NPAS3: variants seen among roughly 807,000 people sequenced by gnomAD.
NPAS3 encodes neuronal PAS domain protein 3.
NPAS3 carries 14 observed loss-of-function variants against 73.1 expected under a neutral mutation model. That is an observed-to-expected ratio of 0.19 (90% CI 0.13 to 0.30). The LOEUF (loss-of-function observed/expected upper bound fraction) is 0.30, where lower values mean the gene tolerates loss of function less well. NPAS3 is among the 10% of genes least tolerant of loss of function. NPAS3 has a pLI of 1.00. For synonymous variants in NPAS3, 620 were observed against 541.5 expected, an observed-to-expected ratio of 1.14 and a Z score of -2.01; for missense variants, 1,096 against 1,250.0, an observed-to-expected ratio of 0.88 and a Z score of 1.86.
intron 4 of NPAS3, among the ~76,000 whole-genome samples, chr14:33,458,362 T>A (rs1462823483): frequency 2.6e-5 from 4 of 152,214 alleles, no homozygotes; most frequent in South Asian, 2.1e-4. Context: ...TCACTTTAAA[T>A]TTTCTCTGTT....
chr14:33,373,002 G>A (rs1381048821), intron 4 of NPAS3, among the ~76,000 whole-genome samples: 1 of 152,100 alleles, frequency 6.6e-6, no homozygotes, highest in Non-Finnish European at 1.5e-5. Flanking sequence ...GTTATTTATT[G>A]TTACTTTTCC....
chr14:33,270,667 C>A (rs1015613736), intron 3 of NPAS3, among the ~76,000 whole-genome samples: 6 of 152,266 alleles, frequency 3.9e-5, no homozygotes, highest in African/African-American at 1.2e-4. Context: ...ACATGTTTTC[C>A]CTCTGGAAGA....
intron 7 of NPAS3, among the ~76,000 whole-genome samples, chr14:33,742,657 A>G (rs2061684615): frequency 6.6e-6 from 1 of 152,222 alleles, no homozygotes; most frequent in Non-Finnish European, 1.5e-5. Flanking sequence ...TTTTATAAAT[A>G]AGACAACAAT....
intron 10 of NPAS3, among the ~76,000 whole-genome samples, chr14:33,795,688 A>G (rs72664587): frequency 0.17 from 25,582 of 152,118 alleles, 2,475 homozygotes; most frequent in East Asian, 0.38. Context: ...TCCTATCTGG[A>G]TCTTTCTTAC....
chr14:33,019,141 A>G (rs780259985), intron 1 of NPAS3, among the ~76,000 whole-genome samples: 1 of 152,166 alleles, frequency 6.6e-6, no homozygotes, highest in African/African-American at 2.4e-5. Flanking sequence ...TTTAGTAAGG[A>G]AGTGTGTTTG....
chr14:33,131,374 C>T (rs2043627897), intron 2 of NPAS3, among the ~76,000 whole-genome samples: 1 of 151,956 alleles, frequency 6.6e-6, no homozygotes, highest in African/African-American at 2.4e-5. Context: ...AGTTCTCCAG[C>T]TCTCTCTCAA....
chr14:33,597,771 G>A (rs2057288441), intron 5 of NPAS3, among the ~76,000 whole-genome samples: 1 of 152,210 alleles, frequency 6.6e-6, no homozygotes, highest in African/African-American at 2.4e-5. Flanking sequence ...CAGCTGAGAA[G>A]ACTCAAAAGT....
intron 2 of NPAS3, among the ~76,000 whole-genome samples, chr14:33,165,398 T>C (rs1005593096): frequency 2.0e-5 from 3 of 151,900 alleles, no homozygotes; most frequent in African/African-American, 7.3e-5. Context: ...CTGCATTCCA[T>C]GGGATTTCTA....
chr14:33,437,703 T>C (rs1356491679), intron 4 of NPAS3, among the ~76,000 whole-genome samples: 1 of 152,214 alleles, frequency 6.6e-6, no homozygotes, highest in Non-Finnish European at 1.5e-5. Context: ...GATGGAAATA[T>C]TTTAAATACT....
At chr14:33,226,058 A>G (rs1037672982) in intron 3 of NPAS3, among the ~76,000 whole-genome samples, 1 of 152,242 alleles carries the variant, frequency 6.6e-6, no homozygotes, top group East Asian at 1.9e-4. Flanking sequence ...ATAGCTATCC[A>G]TAGATGTATA....
chr14:33,581,732 T>C (rs1351530415), intron 5 of NPAS3, among the ~76,000 whole-genome samples: 1 of 152,066 alleles, frequency 6.6e-6, no homozygotes, highest in African/African-American at 2.4e-5. Context: ...CCACCCTACC[T>C]GGATAATTTT....
At chr14:33,148,747 C>T (rs1417589261) in intron 2 of NPAS3, among the ~76,000 whole-genome samples, 2 of 152,046 alleles carry the variant, frequency 1.3e-5, no homozygotes, top group Non-Finnish European at 2.9e-5. Flanking sequence ...GTTATAGTGG[C>T]GTGATCAAAG....
chr14:33,309,924 C>T (rs1319553683), intron 3 of NPAS3, among the ~76,000 whole-genome samples: 1 of 152,092 alleles, frequency 6.6e-6, no homozygotes, highest in Admixed American at 6.6e-5. Context: ...AGGAGGGTCC[C>T]TCTAGCACCC....
At chr14:33,167,407 A>G (rs1161655229) in intron 2 of NPAS3, among the ~76,000 whole-genome samples, 1 of 152,182 alleles carries the variant, frequency 6.6e-6, no homozygotes, top group East Asian at 1.9e-4. Flanking sequence ...GAATACACAC[A>G]CGCACAAACA....
chr14:33,185,184 A>G (rs78275258), intron 2 of NPAS3, among the ~76,000 whole-genome samples: 1,798 of 152,302 alleles, frequency 0.012, 34 homozygotes, highest in African/African-American at 0.041. Context: ...AAGAACCAGA[A>G]ACAAAAGTAC....
chr14:33,284,171 G>C (rs993793396), intron 3 of NPAS3, among the ~76,000 whole-genome samples: 1 of 152,092 alleles, frequency 6.6e-6, no homozygotes, highest in Non-Finnish European at 1.5e-5. Flanking sequence ...TCATCCCAAA[G>C]TACAGCCAAC....
intron 3 of NPAS3, among the ~76,000 whole-genome samples, chr14:33,341,002 G>A (rs979579408): frequency 6.6e-6 from 1 of 152,100 alleles, no homozygotes; most frequent in African/African-American, 2.4e-5. Flanking sequence ...TTATTTCTTG[G>A]TTGCTTTGAT....
chr14:33,070,526 A>AC (rs538332013), intron 2 of NPAS3, among the ~76,000 whole-genome samples: 233 of 152,344 alleles, frequency 1.5e-3, no homozygotes, highest in South Asian at 5.0e-3. Context: ...ATGGCAGTGC[A>AC]GACAGTGGCT....
chr14:33,625,591 T>G (rs1056523969), intron 5 of NPAS3, among the ~76,000 whole-genome samples: 20 of 152,210 alleles, frequency 1.3e-4, no homozygotes, highest in African/African-American at 4.8e-4. Flanking sequence ...CCCAAAGATA[T>G]CTGGATGTTT....
Sources: allele counts gnomAD v4.1 joint callset (sites outside exome capture counted in the v4.1 genomes callset), GRCh38; gene constraint gnomAD v4.1.1; transcripts MANE v1.5; gene names NCBI Gene and HGNC (gene_info 2026-07-23, HGNC 2026-07-21).